Variants in ARHGEF40 observed in about 807,000 individuals in gnomAD.
The protein encoded by ARHGEF40 is Rho guanine nucleotide exchange factor (GEF) 40.
ARHGEF40 carries 98 observed loss-of-function variants against 165.9 expected under a neutral mutation model. The observed-to-expected ratio is 0.59, with a 90% confidence interval of 0.50 to 0.70. The LOEUF is 0.70. Among genes scored for constraint, ARHGEF40 ranks in the 30% least tolerant of loss-of-function variants. The pLI, the probability that ARHGEF40 is intolerant of heterozygous loss-of-function variation, is 0.00. For synonymous variants in ARHGEF40, 792 were observed against 814.3 expected (o/e 0.97, Z 0.47); for missense variants, 1,815 against 1,968.0 (o/e 0.92, Z 1.47).
Position 21,087,958 on chromosome 14 carries a change from TC to T in ARHGEF40, c.4388-6del. 1 of 1,613,822 alleles carries T rather than the reference TC, an allele frequency of 6.2e-7. No individual in the cohort carries two copies. The highest frequency in any genetic ancestry group is 8.5e-7 in the Non-Finnish European group (1 of 1,179,990). On this transcript the variant is annotated splice_polypyrimidine_tract_variant and intron_variant, in intron 21 of 23. Coordinates refer to ENST00000298694, the MANE Select transcript of ARHGEF40 (RefSeq NM_018071.5). ...TCTGTACTCTGCTCTCACCCTAGCTTCCCCTTCAGCCCCAGAAACACTTGAC... is the reference window on the plus strand; with the variant it reads ...TCTGTACTCTGCTCTCACCCTAGCTTCCCTTCAGCCCCAGAAACACTTGAC...
intron 10 of ARHGEF40, 65 bp downstream of exon 10, chr14:21,078,553 A>C: frequency 6.8e-7 from 1 of 1,464,504 alleles, no homozygotes; most frequent in Non-Finnish European, 9.2e-7. Context: ...GAAGGCTGCC[A>C]ACAAACCTTA....
rs1234938043 is a variant in ARHGEF40, at chr14:21,072,135, A to AG, written c.4-906dup. On this transcript the variant is annotated intron_variant, in intron 1 of 23. Coordinates refer to ENST00000298694, the MANE Select transcript of ARHGEF40 (RefSeq NM_018071.5). The surrounding 1 kb of genome is among the most constrained non-coding windows in gnomAD (Gnocchi z 4.1). The stretch of plus-strand genomic sequence containing the variant: ...AAGAAGTTTGCAAAGGAATAGCCCA[A>AG]GGGGTGGTTGTTTAGGTTAGGAGTT... 6.6e-6 allele frequency among the ~76,000 whole-genome samples: 1 copy of AG among 152,202 alleles called. No homozygotes were observed. The highest frequency in any genetic ancestry group is 6.5e-5 in the Admixed American group (1 of 15,274).
the ARHGEF40 span, among the ~76,000 whole-genome samples, chr14:21,062,708 A>AGTGTGTGT: frequency 0.057 from 7,483 of 130,952 alleles, 256 homozygotes; most frequent in African/African-American, 0.068. Context: ...GGCTGGGCAC[A>AGTGTGTGT]GTGTGTGTGT....
chr14:21,088,904 C>T lies in ARHGEF40; in HGVS notation c.*5+28C>T, dbSNP rs534876124. The T allele has an allele frequency of 1.9e-4, 305 of 1,608,842 alleles. 1 individual carries two copies. In the South Asian group the frequency reaches 3.1e-3, roughly 16 times the overall value. ...GAGTCAGCATCCCCAATTTCTACCACATCCAGCACTCCTACCATCTTGCAT... is the reference window on the plus strand; with the variant it reads ...GAGTCAGCATCCCCAATTTCTACCATATCCAGCACTCCTACCATCTTGCAT... On this transcript the variant is annotated intron_variant, in intron 23 of 23. Coordinates refer to ENST00000298694, the MANE Select transcript of ARHGEF40 (RefSeq NM_018071.5).
chr14:21,078,141 C>T, intron 8 of ARHGEF40, 36 bp from the exon 9 acceptor site: 1 of 1,578,880 alleles, frequency 6.3e-7, no homozygotes, highest in Non-Finnish European at 8.6e-7. Flanking sequence ...TTCTTAAACT[C>T]TGATCCTCAA....
At position 21,087,167 on chromosome 14, in the gene ARHGEF40, A is replaced by G. The variant is rs888658996; in HGVS notation, c.4243+62A>G. On this transcript the variant is annotated intron_variant, in intron 20 of 23. Transcript: ENST00000298694. ...TGAAGACCTTGACAATGAGGATACA[A>G]AGGGGAGGTATGGTGGAAAGTCAGG... 7 of 1,592,850 alleles carry G rather than the reference A, an allele frequency of 4.4e-6. No individual in the cohort carries two copies. The Admixed American group carries it at 8.4e-5, about 19-fold the overall frequency.
In ARHGEF40 at chr14:21,078,470, G is replaced by T. The variant is rs115702415; in HGVS notation, c.2228G>T (p.Arg743Leu). 1 of 1,596,400 alleles carries T rather than the reference G, an allele frequency of 6.3e-7. No individual in the cohort carries two copies. Among genetic ancestry groups the T allele is most frequent in the Non-Finnish European group, 8.5e-7 (1 of 1,170,154 alleles). The change falls in exon 10 of 24, where the codon CGC becomes CTC. Residue 743 changes from arginine (R) to leucine (L), a missense_variant. Transcript: ENST00000298694. The part of the protein sequence containing the change: ...RDGGAILMRL[R>L]STPSSKLEGQ... Reference sequence around the variant, plus strand: ...GGGGGGGCCATCCTGATGAGGCTGCGCTCCACTCCCAGCAGCAAGTACGAA... The same window carrying T: ...GGGGGGGCCATCCTGATGAGGCTGCTCTCCACTCCCAGCAGCAAGTACGAA...
At chr14:21,088,951 G>A (rs376504173) in intron 23 of ARHGEF40, 63 bp from the exon 24 acceptor site, 195 of 1,475,368 alleles carry the variant, frequency 1.3e-4, no homozygotes, top group Non-Finnish European at 1.7e-4. Context: ...CCTGTCCCCG[G>A]CTACTTGGGA....
chr14:21,075,298 C>T lies in ARHGEF40; in HGVS notation c.1451-34C>T. ...AGCAGAACAACCAGAACCATCTTAA[C>T]TTCAGTCCCATGTTTCTGTCTGTGT... On this transcript the variant is annotated intron_variant, in intron 3 of 23. Transcript: ENST00000298694. This position sits in a 1 kb window ranked among gnomAD's most constrained non-coding sequence, Gnocchi z 4.5. 6 of 1,611,758 alleles carry T rather than the reference C, an allele frequency of 3.7e-6. No homozygotes were observed. Among genetic ancestry groups the T allele is most frequent in the Non-Finnish European group, 5.1e-6 (6 of 1,179,144 alleles).
In ARHGEF40 at chr14:21,075,371, C is replaced by T. The variant is rs748814560; in HGVS notation, c.1490C>T (p.Thr497Ile). 7 of 1,614,082 alleles carry T rather than the reference C, an allele frequency of 4.3e-6. No homozygotes were observed. In the Admixed American group the frequency reaches 1.0e-4, roughly 23 times the overall value. ...GPEGPLSDTP[T>I]PPLETVQEGK... ...GAAGGCCCCCTGTCTGACACTCCAA[C>T]ACCTCCGCTGGAGACTGTGCAGGAA... Residue 497 changes from threonine to isoleucine, a missense_variant, in exon 4 of 24, where the codon ACA becomes ATA. Coordinates refer to ENST00000298694, the MANE Select transcript of ARHGEF40 (RefSeq NM_018071.5). This position sits in a 1 kb window ranked among gnomAD's most constrained non-coding sequence, Gnocchi z 4.5.
At chr14:21,088,791 A>T (rs1888594566) in intron 22 of ARHGEF40, 39 bp from the exon 23 acceptor site, 9 of 1,522,166 alleles carry the variant, frequency 5.9e-6, no homozygotes, top group African/African-American at 5.0e-5. Context: ...AAAGACAAGA[A>T]ATATGTCCCT....
chr14:21,070,351 GC>G lies in ARHGEF40; in HGVS notation c.-42del, dbSNP rs1415677265. 3 of 1,404,142 alleles carry G rather than the reference GC, an allele frequency of 2.1e-6. No homozygotes were observed. The highest frequency in any genetic ancestry group is 6.3e-5 in the Admixed American group (2 of 31,606). 87.0% of individuals were successfully genotyped at this position (1,404,142 alleles called of 1,614,324 possible). On this transcript the variant is annotated 5_prime_UTR_variant, in exon 1 of 24. Coordinates refer to ENST00000298694, the MANE Select transcript of ARHGEF40 (RefSeq NM_018071.5). The surrounding 1 kb of genome is among the most constrained non-coding windows in gnomAD (Gnocchi z 4.7). ...CGGGAGGGAGGCGGTGGCGCGCCCGGCCCCGCCCGCCCGACCAAGCGTCGGA... is the reference window on the plus strand; with the variant it reads ...CGGGAGGGAGGCGGTGGCGCGCCCGGCCCGCCCGCCCGACCAAGCGTCGGA...
intron 20 of ARHGEF40, 84 bp from the exon 21 acceptor site, chr14:21,087,236 C>G: frequency 6.3e-7 from 1 of 1,580,648 alleles, no homozygotes; most frequent in Non-Finnish European, 8.6e-7. Flanking sequence ...CTGGGAGGCC[C>G]TCTGTGAGAC....
Position 21,075,403 on chromosome 14 carries a change from G to C in ARHGEF40, c.1522G>C (p.Gly508Arg). Residue 508 changes from glycine to arginine, a missense_variant, in exon 4 of 24, where the codon GGG becomes CGG. Gly to Arg is a moderately radical substitution (Grantham distance 125). Transcript: ENST00000298694. The surrounding 1 kb of genome is among the most constrained non-coding windows in gnomAD (Gnocchi z 4.5). ...PPLETVQEGKGDNIPEEALAV... is the reference protein window; with the variant it reads ...PPLETVQEGKRDNIPEEALAV... ...GCTGGAGACTGTGCAGGAAGGAAAA[G>C]GGGACAACATTCCAGAAGAGGCCCT... The C allele has an allele frequency of 6.2e-7, 1 of 1,614,220 alleles. No homozygotes were observed. Among genetic ancestry groups the C allele is most frequent in the Non-Finnish European group, 8.5e-7 (1 of 1,180,052 alleles).
the ARHGEF40 span, among the ~76,000 whole-genome samples, chr14:21,065,148 G>A: frequency 6.6e-6 from 1 of 151,448 alleles, no homozygotes; most frequent in Non-Finnish European, 1.5e-5. Flanking sequence ...TCCAGCCTGG[G>A]CGATGAGCAA....
chr14:21,086,930 AT>A, intron 19 of ARHGEF40, 70 bp from the exon 20 acceptor site: 9 of 300,138 alleles, frequency 3.0e-5, no homozygotes, highest in Admixed American at 8.2e-5. Context: ...AAAGAAAAAA[AT>A]CAACCATGAC....
At chr14:21,064,660 T>C in the ARHGEF40 span, among the ~76,000 whole-genome samples, 1 of 152,230 alleles carries the variant, frequency 6.6e-6, no homozygotes, top group African/African-American at 2.4e-5. Context: ...CGTGGAAATA[T>C]ATACGGACAA....
chr14:21,072,150 G>A lies in ARHGEF40; in HGVS notation c.4-895G>A, dbSNP rs2139202821. On this transcript the variant is annotated intron_variant, in intron 1 of 23. Coordinates refer to ENST00000298694, the MANE Select transcript of ARHGEF40 (RefSeq NM_018071.5). The surrounding 1 kb of genome is among the most constrained non-coding windows in gnomAD (Gnocchi z 4.1). The stretch of plus-strand genomic sequence containing the variant: ...GAATAGCCCAAGGGGTGGTTGTTTA[G>A]GTTAGGAGTTGGAGAAAGACGTCTC... 6.6e-6 allele frequency among the ~76,000 whole-genome samples: 1 copy of A among 152,326 alleles called. No individual in the cohort carries two copies. Among genetic ancestry groups the A allele is most frequent in the Middle Eastern group, 3.4e-3 (1 of 294 alleles).
intron 21 of ARHGEF40, chr14:21,087,717 C>T: frequency 1.5e-6 from 1 of 685,438 alleles, no homozygotes; most frequent in Non-Finnish European, 2.4e-6. Flanking sequence ...ACTGCCTCAG[C>T]TTCCTGTTGT....
Sources: allele counts gnomAD v4.1 joint callset (sites outside exome capture counted in the v4.1 genomes callset), GRCh38; gene constraint gnomAD v4.1.1; non-coding constraint Gnocchi (gnomAD v3.1); transcripts MANE v1.5; gene names NCBI Gene and HGNC (gene_info 2026-07-23, HGNC 2026-07-21).